The following DZIP3 variants were observed in gnomAD, a reference collection of about 807,000 sequenced individuals.
DZIP3 encodes E3 ubiquitin-protein ligase DZIP3.
A neutral mutation model predicts 162.0 loss-of-function variants in DZIP3; 118 were observed. The observed-to-expected ratio is 0.73, with a 90% CI of 0.63 to 0.85. The LOEUF is 0.85. DZIP3 is among the 40% of genes least tolerant of loss of function. The pLI is 0.00. For synonymous variants in DZIP3, 438 were observed against 458.6 expected, an observed-to-expected ratio of 0.96 and a Z score of 0.57; for missense variants, 1,331 against 1,407.0, an observed-to-expected ratio of 0.95 and a Z score of 0.86.
At chr3:108,599,311 A>C (rs867949415) in intron 1 of DZIP3, among the ~76,000 whole-genome samples, 36 of 152,336 alleles carry the variant, frequency 2.4e-4, no homozygotes, top group South Asian at 6.2e-4. Flanking sequence ...TTGAATAAGC[A>C]AACTGTATGT....
intron 5 of DZIP3, among the ~76,000 whole-genome samples, chr3:108,620,958 A>T (rs1478799020): frequency 6.6e-6 from 1 of 152,098 alleles, no homozygotes; most frequent in Admixed American, 6.5e-5. Context: ...AGTAGCTGGG[A>T]CTACAGGCGC....
chr3:108,689,489 C>T (rs1307124816), intron 31 of DZIP3, among the ~76,000 whole-genome samples: 1 of 152,120 alleles, frequency 6.6e-6, no homozygotes, highest in Non-Finnish European at 1.5e-5. Context: ...CGAGACCATC[C>T]TGGCTAACAC....
intron 14 of DZIP3, among the ~76,000 whole-genome samples, chr3:108,646,006 A>C (rs771837131): frequency 6.6e-6 from 1 of 152,204 alleles, no homozygotes; most frequent in Non-Finnish European, 1.5e-5. Context: ...TGAAGAGCTT[A>C]TTGGTCAAGT....
chr3:108,689,054 AC>A, intron 31 of DZIP3, 130 bp downstream of exon 31: 1 of 855,714 alleles, frequency 1.2e-6, no homozygotes, highest in Non-Finnish European at 1.9e-6. Flanking sequence ...GCTTTTGGGT[AC>A]CACACAGAAA....
At chr3:108,623,780 C>T (rs1941474520) in intron 5 of DZIP3, among the ~76,000 whole-genome samples, 1 of 152,240 alleles carries the variant, frequency 6.6e-6, no homozygotes, top group Admixed American at 6.5e-5. Context: ...TTGGCCCACA[C>T]TGGCAGGGCT....
At chr3:108,607,158 T>C (rs1249176324) in intron 2 of DZIP3, among the ~76,000 whole-genome samples, 2 of 152,186 alleles carry the variant, frequency 1.3e-5, no homozygotes, top group South Asian at 2.1e-4. Flanking sequence ...GAGAATCATA[T>C]TGTGAAATGT....
At chr3:108,632,386 T>G (rs1941931130) in intron 8 of DZIP3, among the ~76,000 whole-genome samples, 1 of 152,218 alleles carries the variant, frequency 6.6e-6, no homozygotes. Context: ...ATTACAGGCA[T>G]GAGCCACCAC....
At chr3:108,658,401 A>C (rs1943248695) in intron 19 of DZIP3, among the ~76,000 whole-genome samples, 1 of 151,930 alleles carries the variant, frequency 6.6e-6, no homozygotes, top group Admixed American at 6.6e-5. Flanking sequence ...CTGGGTACAT[A>C]ACGAAATGAA....
chr3:108,591,832 C>CA (rs1313380549), intron 1 of DZIP3, among the ~76,000 whole-genome samples: 1 of 151,864 alleles, frequency 6.6e-6, no homozygotes, highest in South Asian at 2.1e-4. Context: ...GCCATCTCTA[C>CA]AAAAAATGAA....
At chr3:108,638,312 G>C (rs112204399) in intron 12 of DZIP3, among the ~76,000 whole-genome samples, 6,403 of 31,612 alleles carry the variant, frequency 0.2, 498 homozygotes, top group African/African-American at 0.4. Context: ...TATCAATTTA[G>C]GTTTTTTTGT....
intron 11 of DZIP3, 125 bp from the exon 12 acceptor site, chr3:108,637,368 TTTG>T: frequency 1.2e-6 from 1 of 841,514 alleles, no homozygotes; most frequent in Non-Finnish European, 1.9e-6. Context: ...TTATTCATGT[TTTG>T]TTTGTTTTAT....
chr3:108,644,423 A>G lies in DZIP3; in HGVS notation c.1401A>G (p.Leu467=), dbSNP rs777736400. The change falls in exon 14 of 33, where the codon TTA becomes TTG. Residue 467 remains leucine (L), a synonymous_variant. Transcript: ENST00000361582. ...KELPQSKQFD[L]CLLLALIKHL... ...TACCGCAATCCAAACAGTTTGACTT[A>G]TGCCTCCTGTTAGCTCTTATAAAAC... The G allele has an allele frequency of 5.6e-6, 9 of 1,613,912 alleles. No individual in the cohort carries two copies. In the Admixed American group the frequency reaches 1.2e-4, roughly 21 times the overall value.
intron 22 of DZIP3, among the ~76,000 whole-genome samples, chr3:108,671,986 G>A (rs1230592248): frequency 6.6e-6 from 1 of 151,902 alleles, no homozygotes; most frequent in Non-Finnish European, 1.5e-5. Context: ...AGTTCTGGAA[G>A]CTGGGAAGTC....
chr3:108,621,517 A>C (rs182916256), intron 5 of DZIP3, among the ~76,000 whole-genome samples: 294 of 152,306 alleles, frequency 1.9e-3, no homozygotes, highest in Admixed American at 5.1e-3. Context: ...ACAGATGCTG[A>C]AAAAGTAGGG....
chr3:108,605,071 T>C (rs183200386), intron 1 of DZIP3, among the ~76,000 whole-genome samples: 75 of 152,336 alleles, frequency 4.9e-4, no homozygotes, highest in African/African-American at 1.7e-3. Context: ...AAAGATTCTT[T>C]TGATATAACA....
intron 9 of DZIP3, 131 bp from the exon 10 acceptor site, chr3:108,634,740 G>A: frequency 2.2e-6 from 1 of 449,842 alleles, no homozygotes; most frequent in Non-Finnish European, 3.9e-6. Context: ...TCTGATTTCT[G>A]TTGATAAATT....
chr3:108,674,242 G>C (rs1431407863), intron 24 of DZIP3, 61 bp downstream of exon 24: 33 of 1,380,228 alleles, frequency 2.4e-5, no homozygotes, highest in Non-Finnish European at 3.1e-6. Context: ...GTGTCTCCAC[G>C]GTTGAATATA....
chr3:108,615,341 G>A (rs1940948465), intron 4 of DZIP3, among the ~76,000 whole-genome samples: 1 of 152,120 alleles, frequency 6.6e-6, no homozygotes, highest in African/African-American at 2.4e-5. Flanking sequence ...ATTATGTTTT[G>A]TATTTCTATT....
chr3:108,655,806 C>A (rs558251169), intron 19 of DZIP3, among the ~76,000 whole-genome samples: 2 of 152,186 alleles, frequency 1.3e-5, no homozygotes, highest in Non-Finnish European at 2.9e-5. Flanking sequence ...CCTAATGCTG[C>A]GCTTTTCTGA....
Sources: gnomAD v4.1 joint callset for allele counts (sites outside exome capture counted in the v4.1 genomes callset) on GRCh38, gnomAD v4.1.1 for gene constraint, MANE v1.5 for transcripts, NCBI Gene and HGNC (gene_info 2026-07-23, HGNC 2026-07-21) for gene names.